The following PPP2R2B variants were observed in gnomAD, a reference collection of about 807,000 sequenced individuals.
PPP2R2B encodes the protein serine/threonine-protein phosphatase 2A 55 kDa regulatory subunit B beta isoform.
PPP2R2B carries 5 observed loss-of-function variants against 46.0 expected under a neutral mutation model. The ratio of observed to expected loss-of-function variants is 0.11; its 90% CI spans 0.06 to 0.23. PPP2R2B has a LOEUF of 0.23. PPP2R2B is among the 10% of genes least tolerant of loss of function. The pLI is 1.00. For missense variants in PPP2R2B, 367 were observed against 575.0 expected, an observed-to-expected ratio of 0.64 and a Z score of 3.70; for synonymous variants, 215 against 206.7, an observed-to-expected ratio of 1.04 and a Z score of -0.34.
intron 3 of PPP2R2B, among the ~76,000 whole-genome samples, chr5:146,700,442 TGA>T (rs1262111235): frequency 1.3e-5 from 2 of 152,160 alleles, no homozygotes; most frequent in African/African-American, 4.8e-5. Context: ...AATGGGTTTA[TGA>T]GAGTTACTGG....
chr5:147,038,712 T>C (rs1756156159), intron 1 of PPP2R2B, among the ~76,000 whole-genome samples: 1 of 152,200 alleles, frequency 6.6e-6, no homozygotes, highest in East Asian at 1.9e-4. Flanking sequence ...TTCTGTGCAA[T>C]AGGATTATTA....
chr5:146,720,541 C>A (rs942610207), intron 2 of PPP2R2B, among the ~76,000 whole-genome samples: 1 of 152,102 alleles, frequency 6.6e-6, no homozygotes, highest in African/African-American at 2.4e-5. Flanking sequence ...GGGAAGATGT[C>A]GAACACTGTT....
intron 1 of PPP2R2B, among the ~76,000 whole-genome samples, chr5:147,039,844 C>G (rs1756212709): frequency 6.6e-6 from 1 of 152,148 alleles, no homozygotes; most frequent in Admixed American, 6.5e-5. Context: ...TACTCAGTGT[C>G]TAGAAGCATG....
intron 2 of PPP2R2B, among the ~76,000 whole-genome samples, chr5:146,762,204 G>T (rs556964075): frequency 1.4e-4 from 21 of 152,278 alleles, no homozygotes; most frequent in African/African-American, 4.1e-4. Flanking sequence ...TAAAACAAAA[G>T]AACAGTTTAC....
chr5:146,889,814 C>G (rs1762439082), intron 1 of PPP2R2B, among the ~76,000 whole-genome samples: 1 of 152,156 alleles, frequency 6.6e-6, no homozygotes, highest in African/African-American at 2.4e-5. Context: ...TTTCGGGATT[C>G]CACCCTCAAA....
intron 1 of PPP2R2B, among the ~76,000 whole-genome samples, chr5:146,961,778 T>C (rs568190262): frequency 1.3e-5 from 2 of 152,212 alleles, no homozygotes; most frequent in South Asian, 2.1e-4. Flanking sequence ...AAGCAATCCA[T>C]AGTCAGGAAG....
intron 7 of PPP2R2B, among the ~76,000 whole-genome samples, chr5:146,626,640 C>A (rs1774084333): frequency 6.6e-6 from 1 of 152,082 alleles, no homozygotes; most frequent in Non-Finnish European, 1.5e-5. Flanking sequence ...CTAGTGATAG[C>A]TTGTTACAGG....
intron 1 of PPP2R2B, among the ~76,000 whole-genome samples, chr5:147,039,606 G>A (rs1245167917): frequency 3.9e-5 from 6 of 152,218 alleles, no homozygotes; most frequent in Admixed American, 2.0e-4. Flanking sequence ...AACCTACCAC[G>A]GAGACCATCT....
chr5:146,873,714 C>T lies in PPP2R2B; in HGVS notation c.70+4288G>A, dbSNP rs369563442. Among the ~76,000 whole-genome samples the T allele has an allele frequency of 9.2e-5, 14 of 152,242 alleles. No individual in the cohort carries two copies. The South Asian group carries it at 1.2e-3, about 14-fold the overall frequency. ...GCAACCTCTGCCTCCTGGGTTCATG[C>T]GATTTCCTGCCTCAGCCTCCTGAGT... On this transcript the variant is annotated intron_variant, in intron 2 of 9. Coordinates refer to ENST00000394411, the MANE Select transcript of PPP2R2B (RefSeq NM_181675.4).
chr5:146,993,255 T>G (rs1753783387), intron 1 of PPP2R2B, among the ~76,000 whole-genome samples: 1 of 138,054 alleles, frequency 7.2e-6, no homozygotes, highest in African/African-American at 2.8e-5. Context: ...AGAAAAAAAT[T>G]TTTTTGAGAC....
At chr5:146,952,364 T>G (rs1751655021) in intron 1 of PPP2R2B, among the ~76,000 whole-genome samples, 1 of 152,114 alleles carries the variant, frequency 6.6e-6, no homozygotes, top group South Asian at 2.1e-4. Context: ...CTCTTTTCCA[T>G]CACTGTGTGT....
chr5:146,637,732 A>G (rs1774913597), intron 7 of PPP2R2B, among the ~76,000 whole-genome samples: 1 of 152,132 alleles, frequency 6.6e-6, no homozygotes, highest in East Asian at 1.9e-4. Context: ...TCCTTCCCCC[A>G]GCTGCTGTTC....
intron 2 of PPP2R2B, among the ~76,000 whole-genome samples, chr5:146,750,888 T>TA (rs1223608515): frequency 1.3e-5 from 2 of 152,102 alleles, no homozygotes; most frequent in African/African-American, 4.8e-5. Context: ...GTCTCAGAAT[T>TA]AGAGACAACA....
At chr5:147,012,256 T>A (rs1191886003) in intron 1 of PPP2R2B, among the ~76,000 whole-genome samples, 2 of 152,132 alleles carry the variant, frequency 1.3e-5, no homozygotes, top group Non-Finnish European at 2.9e-5. Flanking sequence ...CAATTTCGGA[T>A]CCTGTTATTG....
intron 2 of PPP2R2B, among the ~76,000 whole-genome samples, chr5:146,802,517 G>A (rs1338174969): frequency 6.6e-6 from 1 of 152,152 alleles, no homozygotes; most frequent in African/African-American, 2.4e-5. Flanking sequence ...AAATCCAAGG[G>A]AGCATAATGA....
At chr5:146,799,633 A>G (rs1756745936) in intron 2 of PPP2R2B, among the ~76,000 whole-genome samples, 1 of 152,224 alleles carries the variant, frequency 6.6e-6, no homozygotes, top group African/African-American at 2.4e-5. Context: ...CAAGACTGGG[A>G]ATGAAGCATG....
At chr5:147,011,787 AGGGT>A (rs1754745606) in intron 1 of PPP2R2B, among the ~76,000 whole-genome samples, 1 of 144,986 alleles carries the variant, frequency 6.9e-6, no homozygotes, top group Non-Finnish European at 1.5e-5. Flanking sequence ...TTTAGCATGA[AGGGT>A]TGTTGAATTT....
chr5:146,983,114 A>G (rs1468466227), intron 1 of PPP2R2B, among the ~76,000 whole-genome samples: 1 of 148,930 alleles, frequency 6.7e-6, no homozygotes. Flanking sequence ...CTTAATTTCT[A>G]ATGGGTTACT....
intron 7 of PPP2R2B, among the ~76,000 whole-genome samples, chr5:146,634,227 G>A (rs948823760): frequency 6.6e-6 from 1 of 152,324 alleles, no homozygotes; most frequent in Middle Eastern, 3.4e-3. Context: ...AAGGGAAAGA[G>A]AACTCCTCTG....
Sources: gnomAD v4.1 joint callset for allele counts (sites outside exome capture counted in the v4.1 genomes callset) on GRCh38, gnomAD v4.1.1 for gene constraint, MANE v1.5 for transcripts, NCBI Gene and HGNC (gene_info 2026-07-23, HGNC 2026-07-21) for gene names.